The following PAPPA2 variants were observed in gnomAD, a reference collection of about 807,000 sequenced individuals.
PAPPA2 encodes pappalysin 2.
A neutral mutation model predicts 176.4 loss-of-function variants in PAPPA2; 86 were observed. That is an observed-to-expected ratio of 0.49 (90% CI 0.41 to 0.58). The LOEUF (loss-of-function observed/expected upper bound fraction) is 0.58, where lower values mean the gene tolerates loss of function less well. PAPPA2 is among the 20% of genes least tolerant of loss of function. The pLI is 0.00. For synonymous variants in PAPPA2, 809 were observed against 852.2 expected, an observed-to-expected ratio of 0.95 and a Z score of 0.88; for missense variants, 2,073 against 2,256.9, an observed-to-expected ratio of 0.92 and a Z score of 1.65.
At chr1:176,642,999 T>G (rs1240666390) in intron 3 of PAPPA2, among the ~76,000 whole-genome samples, 1 of 150,604 alleles carries the variant, frequency 6.6e-6, no homozygotes, top group South Asian at 2.1e-4. Context: ...TGGGTGTCAG[T>G]TTTTTTTCTA....
intron 1 of PAPPA2, among the ~76,000 whole-genome samples, chr1:176,554,806 T>C (rs1558432518): frequency 6.6e-6 from 1 of 152,316 alleles, no homozygotes; most frequent in African/African-American, 2.4e-5. Context: ...TTCTCCCATG[T>C]CCGATTTAAA....
Position 176,575,537 on chromosome 1 carries a change from C to T in PAPPA2, c.919+18296C>T, listed in dbSNP as rs932673591. 2.6e-5 allele frequency among the ~76,000 whole-genome samples: 4 copies of T among 152,202 alleles called. No homozygotes were observed. In the South Asian group the frequency reaches 8.3e-4, roughly 32 times the overall value. Reference sequence around the variant, plus strand: ...AACATATCTGGTTTTCATGCCAGTGCCCTGCATGCAGTGCGTGATTCACTC... The same window carrying T: ...AACATATCTGGTTTTCATGCCAGTGTCCTGCATGCAGTGCGTGATTCACTC... On this transcript the variant is annotated intron_variant, in intron 2 of 22. Transcript: ENST00000367662.
chr1:176,817,382 T>C (rs1433374678), intron 21 of PAPPA2, among the ~76,000 whole-genome samples: 4 of 152,162 alleles, frequency 2.6e-5, no homozygotes, highest in African/African-American at 9.7e-5. Context: ...GAGTGTTGAA[T>C]GCTGCCGTGC....
intron 4 of PAPPA2, among the ~76,000 whole-genome samples, chr1:176,684,323 T>G (rs924457185): frequency 6.6e-6 from 1 of 152,172 alleles, no homozygotes; most frequent in Admixed American, 6.5e-5. Context: ...GAGTAAGTAT[T>G]CCTGGTCTTG....
At chr1:176,523,816 C>T (rs1649333050) in intron 1 of PAPPA2, among the ~76,000 whole-genome samples, 2 of 152,174 alleles carry the variant, frequency 1.3e-5, no homozygotes, top group Admixed American at 6.5e-5. Context: ...GTAACTGAAT[C>T]AGAGACATAA....
chr1:176,502,795 A>G (rs1260628762), intron 1 of PAPPA2, among the ~76,000 whole-genome samples: 2 of 152,172 alleles, frequency 1.3e-5, no homozygotes, highest in Non-Finnish European at 2.9e-5. Context: ...TTGATTATCA[A>G]GAGGACTTCC....
At chr1:176,809,635 A>G (rs904266242) in intron 21 of PAPPA2, among the ~76,000 whole-genome samples, 1 of 152,138 alleles carries the variant, frequency 6.6e-6, no homozygotes, top group Non-Finnish European at 1.5e-5. Flanking sequence ...CAGGTGGTGG[A>G]AAATAAGGGC....
At chr1:176,547,515 T>A (rs901298511) in intron 1 of PAPPA2, among the ~76,000 whole-genome samples, 3 of 152,184 alleles carry the variant, frequency 2.0e-5, no homozygotes, top group Admixed American at 2.0e-4. Flanking sequence ...CATGACTTAC[T>A]TTGGCCAATA....
chr1:176,581,447 CT>C (rs35945584), intron 2 of PAPPA2, among the ~76,000 whole-genome samples: 4 of 152,060 alleles, frequency 2.6e-5, no homozygotes, highest in Admixed American at 2.6e-4. Context: ...TATTTGAGGT[CT>C]TTTGCAGTAG....
chr1:176,764,022 T>G (rs1238956518), intron 14 of PAPPA2, among the ~76,000 whole-genome samples: 1 of 152,176 alleles, frequency 6.6e-6, no homozygotes, highest in Admixed American at 6.5e-5. Flanking sequence ...AGCAAACACA[T>G]GCAAAGGTGC....
chr1:176,616,473 A>G (rs546927754), intron 3 of PAPPA2: 706 of 749,298 alleles, frequency 9.4e-4, no homozygotes, highest in Middle Eastern at 2.1e-3. Flanking sequence ...CCCAAGGCCT[A>G]CAATGCAATT....
At chr1:176,729,449 T>G (rs1166467266) in intron 12 of PAPPA2, among the ~76,000 whole-genome samples, 1 of 152,012 alleles carries the variant, frequency 6.6e-6, no homozygotes, top group Non-Finnish European at 1.5e-5. Context: ...TTATACGTCT[T>G]TTTCAAAACT....
chr1:176,581,013 A>C (rs1204890446), intron 2 of PAPPA2, among the ~76,000 whole-genome samples: 1 of 152,050 alleles, frequency 6.6e-6, no homozygotes, highest in Non-Finnish European at 1.5e-5. Context: ...GTGCTGTTGA[A>C]GTCTTATTCA....
In PAPPA2 at chr1:176,699,214, A is replaced by G. The variant is rs766054605; in HGVS notation, c.2861A>G (p.Glu954Gly). 5.0e-6 allele frequency: 8 copies of G among 1,614,114 alleles called. No homozygotes were observed. In the Admixed American group the frequency reaches 1.2e-4, roughly 24 times the overall value. ...TGCCCCACAGAAGGCTGTAGCTTGG[A>G]GCTGCTCTTCCAACACCCGGTCCAA... Reference protein sequence around the residue: ...VPCPTEGCSLELLFQHPVQAD... With the variant: ...VPCPTEGCSLGLLFQHPVQAD... The change falls in exon 8 of 23, where the codon GAG becomes GGG. Residue 954 changes from glutamate (E) to glycine (G), a missense_variant. Glu to Gly is a moderately conservative substitution (Grantham distance 98, BLOSUM62 -2). Transcript: ENST00000367662.
chr1:176,717,233 C>G (rs572932197), intron 12 of PAPPA2, among the ~76,000 whole-genome samples: 2 of 152,218 alleles, frequency 1.3e-5, no homozygotes, highest in East Asian at 3.9e-4. Context: ...GTTGAAACAG[C>G]CTACAGTGAA....
rs192048967 is a variant in PAPPA2, at chr1:176,496,538, G to C, written c.-917+33120G>C. 2.9e-3 allele frequency among the ~76,000 whole-genome samples: 436 copies of C among 152,176 alleles called. 9 individuals carry two copies. Among genetic ancestry groups the C allele is most frequent in the Admixed American group, 0.027 (406 of 15,286 alleles). On this transcript the variant is annotated intron_variant, in intron 1 of 22. Transcript: ENST00000367662. ...TACGAGGCCTGTGGCTCAGCAACAG[G>C]CCTGTTTCTCATTCTGGGCACCTCG...
At chr1:176,706,056 C>T (rs893671173) in intron 9 of PAPPA2, among the ~76,000 whole-genome samples, 2 of 152,082 alleles carry the variant, frequency 1.3e-5, no homozygotes, top group African/African-American at 4.8e-5. Flanking sequence ...AGACCCTCTC[C>T]CAGAAACATC....
At chr1:176,665,739 C>G (rs141518258) in intron 3 of PAPPA2, among the ~76,000 whole-genome samples, 1 of 152,164 alleles carries the variant, frequency 6.6e-6, no homozygotes, top group East Asian at 1.9e-4. Flanking sequence ...TGTATTTAAC[C>G]GAAACTCAAC....
chr1:176,789,721 A>G, intron 17 of PAPPA2, 88 bp from the exon 18 acceptor site: 1 of 1,441,986 alleles, frequency 6.9e-7, no homozygotes, highest in Non-Finnish European at 9.5e-7. Context: ...CCTATTTGCT[A>G]ATTCTTATGC....
Sources: gnomAD v4.1 joint callset for allele counts (sites outside exome capture counted in the v4.1 genomes callset) on GRCh38, gnomAD v4.1.1 for gene constraint, MANE v1.5 for transcripts, NCBI Gene and HGNC (gene_info 2026-07-23, HGNC 2026-07-21) for gene names.